ADAMTS7: variants seen among roughly 807,000 people sequenced by gnomAD.
ADAMTS7 encodes A disintegrin and metalloproteinase with thrombospondin motifs 7.
A neutral mutation model predicts 172.6 loss-of-function variants in ADAMTS7; 89 were observed. The ratio of observed to expected loss-of-function variants is 0.52; its 90% CI spans 0.43 to 0.61. ADAMTS7 has a LOEUF of 0.61. Ranked by LOEUF, ADAMTS7 falls within the 20% of genes least tolerant of loss-of-function variation. The probability of loss-of-function intolerance (pLI) is 0.00; values close to 1 mark genes in which losing one functional copy is unlikely to be tolerated. For synonymous variants in ADAMTS7, 885 were observed against 978.4 expected, an observed-to-expected ratio of 0.90 and a Z score of 1.78; for missense variants, 1,973 against 2,355.6, an observed-to-expected ratio of 0.84 and a Z score of 3.36.
chr15:78,806,123 CACACAAAAAAAAAAAAAA>C (rs1262333855), intron 1 of ADAMTS7, among the ~76,000 whole-genome samples: 1,727 of 19,894 alleles, frequency 0.087, 13 homozygotes, highest in Middle Eastern at 0.22. Context: ...CACACACACA[CACACAAAAAAAAAAAAAA>C]AAAAAAAAAA....
chr15:78,763,320 C>T (rs745430310), intron 22 of ADAMTS7, among the ~76,000 whole-genome samples: 1 of 152,222 alleles, frequency 6.6e-6, no homozygotes, highest in Non-Finnish European at 1.5e-5. Flanking sequence ...GTGTCCTGCC[C>T]ATCTGAGGCC....
At chr15:78,793,521 C>T (rs1025278393) in intron 4 of ADAMTS7, among the ~76,000 whole-genome samples, 4 of 152,140 alleles carry the variant, frequency 2.6e-5, no homozygotes, top group Admixed American at 2.0e-4. Context: ...CACCACCATG[C>T]CTGGCCCGTT....
At chr15:78,806,038 C>T (rs1172697271) in intron 1 of ADAMTS7, among the ~76,000 whole-genome samples, 1 of 137,394 alleles carries the variant, frequency 7.3e-6, no homozygotes, top group African/African-American at 2.7e-5. Context: ...AGAAATTGTA[C>T]CACTGTACTC....
rs932689389 is a variant in ADAMTS7 at position 78,811,252 on chromosome 15, G to A, written c.-32C>T. 19 of 1,223,584 alleles carry A rather than the reference G, an allele frequency of 1.6e-5. No individual in the cohort carries two copies. The highest frequency in any genetic ancestry group is 1.9e-5 in the Non-Finnish European group (19 of 982,674). 75.8% of individuals were successfully genotyped at this position (1,223,584 alleles called of 1,614,324 possible). A position where few individuals can be genotyped will look rare whatever the true frequency, so the allele number is the denominator to read the frequency against. On this transcript the variant is annotated 5_prime_UTR_variant, in exon 1 of 24. Transcript: ENST00000388820. ...AACCGGGCGGCCGCCGGGTGACCCC[G>A]CGCGCACGCTCTCGTCCGTCCCGTC...
chr15:78,766,159 G>A lies in ADAMTS7; in HGVS notation c.3752C>T (p.Ser1251Phe), dbSNP rs2055143563. The part of the protein sequence containing the change: ...PPLSPVGSTH[S>F]SPSPDVAELW... ...CTCCGCCACGTCAGGACTAGGAGAGGAGTGGGTGCTGCCAACAGGGGACAA... is the reference window on the plus strand; with the variant it reads ...CTCCGCCACGTCAGGACTAGGAGAGAAGTGGGTGCTGCCAACAGGGGACAA... The change falls in exon 19 of 24, where the codon TCC (serine) becomes TTC (phenylalanine). Residue 1251 changes from serine to phenylalanine, a missense_variant. Coordinates refer to ENST00000388820, the MANE Select transcript of ADAMTS7 (RefSeq NM_014272.5). 5.0e-6 allele frequency: 8 copies of A among 1,611,612 alleles called. No homozygotes were observed. The highest frequency in any genetic ancestry group is 1.9e-4 in the Middle Eastern group (1 of 5,276).
intron 1 of ADAMTS7, among the ~76,000 whole-genome samples, chr15:78,806,256 GA>G (rs1431321478): frequency 6.6e-6 from 1 of 151,284 alleles, no homozygotes; most frequent in Non-Finnish European, 1.5e-5. Flanking sequence ...GCATTGGAAT[GA>G]AGAAAAGTTT....
intron 4 of ADAMTS7, among the ~76,000 whole-genome samples, chr15:78,794,816 C>A (rs1431989138): frequency 6.6e-6 from 1 of 152,186 alleles, no homozygotes; most frequent in Non-Finnish European, 1.5e-5. Context: ...CTCCCAGGCT[C>A]AAGCAATCCT....
At chr15:78,797,820 A>G (rs972277530) in intron 3 of ADAMTS7, 128 bp downstream of exon 3, 39 of 1,084,444 alleles carry the variant, frequency 3.6e-5, no homozygotes, top group Non-Finnish European at 4.7e-5. Flanking sequence ...TAAAGTATCC[A>G]TCTGTCTGTC....
At chr15:78,810,200 C>G (rs1471105054) in intron 1 of ADAMTS7, among the ~76,000 whole-genome samples, 2 of 152,236 alleles carry the variant, frequency 1.3e-5, no homozygotes, top group Non-Finnish European at 2.9e-5. Context: ...CTAGCTCATC[C>G]AGAATCCATC....
Position 78,771,820 on chromosome 15 carries a change from T to C in ADAMTS7, c.2141A>G (p.Asp714Gly). 6.2e-7 allele frequency: 1 copy of C among 1,611,046 alleles called. No homozygotes were observed. Reference protein sequence around the residue: ...FEEAEGLGYVDVGLIPAGARE... With the variant: ...FEEAEGLGYVGVGLIPAGARE... Reference sequence around the variant, plus strand: ...TGCGCCCGCTGGGATCAGCCCCACATCCACATACCCTGTCAGCCAAGGGTT... The same window carrying C: ...TGCGCCCGCTGGGATCAGCCCCACACCCACATACCCTGTCAGCCAAGGGTT... The change falls in exon 15 of 24, where the codon GAT becomes GGT. Residue 714 changes from aspartate (D) to glycine (G), a missense_variant. Asp to Gly is a moderately conservative substitution (Grantham distance 94). Coordinates refer to ENST00000388820, the MANE Select transcript of ADAMTS7 (RefSeq NM_014272.5). The surrounding 1 kb of genome is among the most constrained non-coding windows in gnomAD (Gnocchi z 4.9).
At position 78,789,697 on chromosome 15, in the gene ADAMTS7, G is replaced by A. The variant is rs1411682288; in HGVS notation, c.1170C>T (p.Leu390=). ...GGGGGCAGGCACAGTACCTGTGCCC[G>A]AGCTCGTGGGCTACAGTGAAGGCCA... ...LPLAFTVAHE[L]GHSFGIQHDG... Residue 390 remains leucine (L), a synonymous_variant, in exon 7 of 24, where the codon CTC becomes CTT. Coordinates refer to ENST00000388820, the MANE Select transcript of ADAMTS7 (RefSeq NM_014272.5). 9 of 1,613,684 alleles carry A rather than the reference G, an allele frequency of 5.6e-6. No homozygotes were observed. Among genetic ancestry groups the A allele is most frequent in the Admixed American group, 1.7e-5 (1 of 59,992 alleles).
Position 78,766,599 on chromosome 15 carries a change from C to T in ADAMTS7, c.3312G>A (p.Ala1104=), listed in dbSNP as rs562053654. ...RTPPPHSHPA[A]PSTGSPVPAT... The stretch of plus-strand genomic sequence containing the variant: ...CAGGCACGGGGCTACCCGTGGAGGG[C>T]GCAGCAGGATGGCTGTGTGGTGGGG... The change falls in exon 19 of 24, where the codon GCG becomes GCA. Residue 1104 remains alanine, a synonymous_variant. Coordinates refer to ENST00000388820, the MANE Select transcript of ADAMTS7 (RefSeq NM_014272.5). The T allele has an allele frequency of 6.6e-5, 101 of 1,521,824 alleles. No homozygotes were observed. In the Middle Eastern group the frequency reaches 7.1e-4, roughly 11 times the overall value. The allele number at this position is 1,521,824 out of a possible 1,614,324, so 94.3% of individuals were successfully genotyped here. A position where few individuals can be genotyped will look rare whatever the true frequency, so the allele number is the denominator to read the frequency against.
At position 78,776,307 on chromosome 15, in the gene ADAMTS7, G is replaced by A. The variant is rs59275951; in HGVS notation, c.1587C>T (p.Pro529=). The A allele has an allele frequency of 0.017, 27,450 of 1,611,760 alleles. 1,582 individuals carry two copies. The highest frequency in any genetic ancestry group is 0.16 in the African/African-American group (12,225 of 74,964). Reference sequence around the variant, plus strand: ...CCACGGCCTCGGGCCGGAAGCCCACGGGTACGCACTCCCCACTGAGACACC... The same window carrying A: ...CCACGGCCTCGGGCCGGAAGCCCACAGGTACGCACTCCCCACTGAGACACC... The part of the protein sequence containing the change: ...NKWCLSGECV[P]VGFRPEAVDG... The change falls in exon 11 of 24, where the codon CCC becomes CCT. Residue 529 remains proline, a synonymous_variant. Transcript: ENST00000388820.
At chr15:78,796,274 C>T (rs2055641484) in intron 4 of ADAMTS7, among the ~76,000 whole-genome samples, 1 of 152,154 alleles carries the variant, frequency 6.6e-6, no homozygotes, top group South Asian at 2.1e-4. Flanking sequence ...ACATGAAGGA[C>T]CCAACTAGTC....
chr15:78,804,484 A>T (rs992388335), intron 1 of ADAMTS7, among the ~76,000 whole-genome samples: 1 of 152,172 alleles, frequency 6.6e-6, no homozygotes, highest in African/African-American at 2.4e-5. Context: ...TCAGGCTCGC[A>T]TGAATGCCTG....
In ADAMTS7 at chr15:78,771,211, G is replaced by A; in HGVS notation, c.2469C>T (p.Phe823=). The part of the protein sequence containing the change: ...GGHDEVPPPV[F]SWHYGPWTKC... ...TGGTCCAGGGCCCATAATGCCAGGA[G>A]AACACGGGCGGCGGGACCTCGTCGT... The change falls in exon 16 of 24, where the codon TTC becomes TTT. Residue 823 remains phenylalanine (F), a synonymous_variant. Transcript: ENST00000388820. The surrounding 1 kb of genome is among the most constrained non-coding windows in gnomAD (Gnocchi z 4.9). The A allele has an allele frequency of 6.2e-7, 1 of 1,611,892 alleles. No individual in the cohort carries two copies. The highest frequency in any genetic ancestry group is 8.5e-7 in the Non-Finnish European group (1 of 1,179,626).
Position 78,798,015 on chromosome 15 carries a change from C to A in ADAMTS7, c.555G>T (p.Lys185Asn). 1.9e-6 allele frequency: 3 copies of A among 1,582,808 alleles called. No homozygotes were observed. The highest frequency in any genetic ancestry group is 2.6e-6 in the Non-Finnish European group (3 of 1,168,480). The stretch of plus-strand genomic sequence containing the variant: ...GTGCCAGCCTCTCCGGGGCCTGACG[C>A]TTGTACACCACATGGGGCTGGGCGT... Reference protein sequence around the residue: ...PGHAQPHVVYKRQAPERLAQR... With the variant: ...PGHAQPHVVYNRQAPERLAQR... The change falls in exon 3 of 24, where the codon AAG becomes AAT. Residue 185 changes from lysine to asparagine, a missense_variant. This residue lies in a region of ADAMTS7 where 306 missense variants were observed against 288.0 expected (regional missense o/e 1.06). Transcript: ENST00000388820.
intron 19 of ADAMTS7, 75 bp from the exon 20 acceptor site, chr15:78,764,782 C>T: frequency 7.1e-7 from 1 of 1,402,168 alleles, no homozygotes; most frequent in Non-Finnish European, 9.3e-7. Context: ...AACTACCCAC[C>T]TAGGCTAGCG....
In ADAMTS7 at chr15:78,771,915, T is replaced by G; in HGVS notation, c.2132-86A>C. The G allele has an allele frequency of 6.6e-7, 1 of 1,521,062 alleles. No individual in the cohort carries two copies. Among genetic ancestry groups the G allele is most frequent in the East Asian group, 2.3e-5 (1 of 43,904 alleles). The allele number at this position is 1,521,062 out of a possible 1,614,324, so 94.2% of individuals were successfully genotyped here. On this transcript the variant is annotated intron_variant, in intron 14 of 23. Coordinates refer to ENST00000388820, the MANE Select transcript of ADAMTS7 (RefSeq NM_014272.5). This position sits in a 1 kb window ranked among gnomAD's most constrained non-coding sequence, Gnocchi z 4.9. The stretch of plus-strand genomic sequence containing the variant: ...CGCTCCCCTCATGTCTCTCCCCACT[T>G]GCCTCCGCCTGCTGATGCCAAAGCT...
Sources: gnomAD v4.1 joint callset for allele counts (sites outside exome capture counted in the v4.1 genomes callset) on GRCh38, gnomAD v4.1.1 for gene constraint, gnomAD v4.1.1 regional missense constraint, Gnocchi (gnomAD v3.1) non-coding constraint, MANE v1.5 for transcripts, NCBI Gene and HGNC (gene_info 2026-07-23, HGNC 2026-07-21) for gene names.